EXOC2: variants seen among roughly 807,000 people sequenced by gnomAD.
EXOC2 encodes SEC5-like 1.
EXOC2 carries 70 observed loss-of-function variants against 131.8 expected under a neutral mutation model. The observed-to-expected ratio is 0.53, with a 90% CI of 0.44 to 0.65. The LOEUF (loss-of-function observed/expected upper bound fraction) is 0.65, where lower values mean the gene tolerates loss of function less well. Among genes scored for constraint, EXOC2 ranks in the 30% least tolerant of loss-of-function variants. EXOC2 has a pLI of 0.00. For synonymous variants in EXOC2, 411 were observed against 398.4 expected (o/e 1.03, Z -0.38); for missense variants, 923 against 1,108.6 (o/e 0.83, Z 2.38).
chr6:537,945 G>T (rs1054673711), intron 22 of EXOC2, among the ~76,000 whole-genome samples: 3 of 152,186 alleles, frequency 2.0e-5, no homozygotes, highest in Non-Finnish European at 2.9e-5. Context: ...GGGCACAAGG[G>T]AAGGTTTTGT....
intron 22 of EXOC2, among the ~76,000 whole-genome samples, chr6:533,480 C>T (rs570798934): frequency 6.6e-5 from 10 of 152,176 alleles, no homozygotes; most frequent in Admixed American, 2.0e-4. Flanking sequence ...GTCAGGCCTT[C>T]GAGTCTAAGG....
In EXOC2 at chr6:506,011, A is replaced by G. The variant is rs542366591; in HGVS notation, c.2381-6311T>C. Among the ~76,000 whole-genome samples, 1 of 152,342 alleles carries G rather than the reference A, an allele frequency of 6.6e-6. No individual in the cohort carries two copies. The highest frequency in any genetic ancestry group is 1.9e-4 in the East Asian group (1 of 5,184). ...AGAATATATCTGCGTCATCTACTAA[A>G]AGTAAGTGCCTCGGCATACATGGAA... On this transcript the variant is annotated intron_variant, in intron 23 of 27. Coordinates refer to ENST00000230449, the MANE Select transcript of EXOC2 (RefSeq NM_018303.6). The surrounding 1 kb of genome is among the most constrained non-coding windows in gnomAD (Gnocchi z 4.4).
chr6:592,493 CT>C lies in EXOC2; in HGVS notation c.1167del (p.Glu390ArgfsTer4), dbSNP rs1219403903. 3.7e-6 allele frequency: 6 copies of C among 1,613,908 alleles called. No individual in the cohort carries two copies. Among genetic ancestry groups the C allele is most frequent in the Non-Finnish European group, 5.1e-6 (6 of 1,179,940 alleles). On this transcript the variant is annotated frameshift_variant, in exon 11 of 28. Coordinates refer to ENST00000230449, the MANE Select transcript of EXOC2 (RefSeq NM_018303.6). LOFTEE classifies it high-confidence loss of function. ...KWILQLMHSC[K>X]EGYVKDLKGN... The stretch of plus-strand genomic sequence containing the variant: ...CCTTTCAGATCTTTCACGTAGCCCT[CT>C]TTGCAACTGTGCATGAGCTGAAGGA...
At chr6:596,089 T>C (rs1024807718) in intron 10 of EXOC2, among the ~76,000 whole-genome samples, 8 of 152,004 alleles carry the variant, frequency 5.3e-5, no homozygotes, top group African/African-American at 1.9e-4. Flanking sequence ...CCTTTCATGG[T>C]GGTGATCAGG....
At chr6:561,459 A>T (rs941083831) in intron 17 of EXOC2, among the ~76,000 whole-genome samples, 1 of 152,238 alleles carries the variant, frequency 6.6e-6, no homozygotes. Context: ...GAATTTAAAA[A>T]TACTGTGCAG....
At position 485,935 on chromosome 6, in the gene EXOC2, TCACAGATAACA is replaced by T. The variant is rs1763019404; in HGVS notation, c.*725_*735del. 1 of 152,162 alleles carries T rather than the reference TCACAGATAACA, an allele frequency of 6.6e-6. No homozygotes were observed. The highest frequency in any genetic ancestry group is 6.5e-5 in the Admixed American group (1 of 15,276). 9.4% of individuals were successfully genotyped at this position (152,162 alleles called of 1,614,324 possible). A position where few individuals can be genotyped will look rare whatever the true frequency, so the allele number is the denominator to read the frequency against. The stretch of plus-strand genomic sequence containing the variant: ...GTGCCCGTTACACATTCACACTCCA[TCACAGATAACA>T]CACAGGGCCTCAGGGACTGCAACAC... On this transcript the variant is annotated 3_prime_UTR_variant, in exon 28 of 28. Coordinates refer to ENST00000230449, the MANE Select transcript of EXOC2 (RefSeq NM_018303.6).
intron 1 of EXOC2, among the ~76,000 whole-genome samples, chr6:639,775 G>A (rs913632148): frequency 3.3e-5 from 5 of 152,172 alleles, no homozygotes; most frequent in African/African-American, 4.8e-5. Flanking sequence ...ATGAGTGAAA[G>A]CTTCCCCTCT....
At chr6:575,800 G>T (rs1758548341) in intron 12 of EXOC2, among the ~76,000 whole-genome samples, 1 of 152,206 alleles carries the variant, frequency 6.6e-6, no homozygotes, top group Admixed American at 6.5e-5. Context: ...CAGCTCCTCT[G>T]TGCAATTACA....
intron 1 of EXOC2, among the ~76,000 whole-genome samples, chr6:675,070 C>T (rs1764047237): frequency 6.6e-6 from 1 of 152,188 alleles, no homozygotes; most frequent in Non-Finnish European, 1.5e-5. Flanking sequence ...TCCCTGGCTC[C>T]CTCTGCCTCC....
chr6:586,515 T>TG (rs1581497556), intron 11 of EXOC2, among the ~76,000 whole-genome samples: 1 of 152,232 alleles, frequency 6.6e-6, no homozygotes, highest in East Asian at 1.9e-4. Context: ...TTCACCTATG[T>TG]ATAGCAAAAT....
At chr6:656,575 GGCCCAGGGAC>G in intron 1 of EXOC2, 1 of 1,591,356 alleles carries the variant, frequency 6.3e-7, no homozygotes, top group Non-Finnish European at 8.6e-7. Context: ...CTGCGAGCGC[GGCCCAGGGAC>G]GAGACCAGCT....
At chr6:626,327 G>C (rs182524121) in intron 4 of EXOC2, among the ~76,000 whole-genome samples, 2 of 152,232 alleles carry the variant, frequency 1.3e-5, no homozygotes, top group African/African-American at 4.8e-5. Flanking sequence ...AAAGAAAAAA[G>C]CATGCAGCCT....
At chr6:504,535 A>G (rs1006356063) in intron 23 of EXOC2, among the ~76,000 whole-genome samples, 2 of 152,214 alleles carry the variant, frequency 1.3e-5, no homozygotes, top group African/African-American at 4.8e-5. Flanking sequence ...TTTCATTCCA[A>G]TGTCACTATC....
At chr6:516,402 G>A (rs984619868) in intron 23 of EXOC2, among the ~76,000 whole-genome samples, 1 of 152,174 alleles carries the variant, frequency 6.6e-6, no homozygotes, top group Non-Finnish European at 1.5e-5. Context: ...GAGCTAGCTC[G>A]TCTAGCTCCA....
intron 1 of EXOC2, among the ~76,000 whole-genome samples, chr6:644,021 T>C (rs940823778): frequency 1.3e-5 from 2 of 152,126 alleles, no homozygotes; most frequent in Non-Finnish European, 2.9e-5. Context: ...ATAAATTAAA[T>C]TCATTATCAA....
chr6:535,843 G>GA (rs1766412524), intron 22 of EXOC2, among the ~76,000 whole-genome samples: 1 of 152,006 alleles, frequency 6.6e-6, no homozygotes. Context: ...GATATTGTAA[G>GA]AAAAAAATCA....
At chr6:535,651 A>T (rs72835934) in intron 22 of EXOC2, among the ~76,000 whole-genome samples, 21,778 of 152,206 alleles carry the variant, frequency 0.14, 1,683 homozygotes, top group African/African-American at 0.2. Flanking sequence ...AACTAATTGA[A>T]TCCATTATAG....
chr6:532,596 T>G lies in EXOC2; in HGVS notation c.2253A>C (p.Ser751=). 1 of 1,595,702 alleles carries G rather than the reference T, an allele frequency of 6.3e-7. No homozygotes were observed. The highest frequency in any genetic ancestry group is 8.5e-7 in the Non-Finnish European group (1 of 1,173,388). Residue 751 remains serine (S), a synonymous_variant, in exon 23 of 28, where the codon TCA becomes TCC. Transcript: ENST00000230449. The part of the protein sequence containing the change: ...IEKITQVSMA[S]LKELDQRLFE... ...AGAGTCTTTGATCTAGTTCTTTCAA[T>G]GAGGCCATGCTAACCTATAAACACA...
chr6:504,775 G>A (rs145223414), intron 23 of EXOC2, among the ~76,000 whole-genome samples: 113 of 152,182 alleles, frequency 7.4e-4, no homozygotes, highest in African/African-American at 2.6e-3. Context: ...CTTCCAACAC[G>A]TGCTGTGTAT....
Sources: gnomAD v4.1 joint callset for allele counts (sites outside exome capture counted in the v4.1 genomes callset) on GRCh38, gnomAD v4.1.1 for gene constraint, Gnocchi (gnomAD v3.1) non-coding constraint, MANE v1.5 for transcripts, NCBI Gene and HGNC (gene_info 2026-07-23, HGNC 2026-07-21) for gene names.